SGMS1: variants seen among roughly 807,000 people sequenced by gnomAD.
The protein encoded by SGMS1 is phosphatidylcholine:ceramide cholinephosphotransferase 1.
Under a neutral mutation model 46.2 loss-of-function variants are expected in SGMS1, and 13 were observed. That is an observed-to-expected ratio of 0.28 (90% CI 0.18 to 0.45). The LOEUF is 0.45. Among genes scored for constraint, SGMS1 ranks in the 20% least tolerant of loss-of-function variants. SGMS1 has a pLI of 1.00. For synonymous variants in SGMS1, 203 were observed against 187.8 expected (o/e 1.08, Z -0.66); for missense variants, 324 against 519.9 (o/e 0.62, Z 3.66).
chr10:50,466,440 G>A (rs991660457), intron 4 of SGMS1, among the ~76,000 whole-genome samples: 1 of 152,126 alleles, frequency 6.6e-6, no homozygotes, highest in African/African-American at 2.4e-5. Flanking sequence ...AACAGCAACT[G>A]TCCTAACATT....
intron 3 of SGMS1, among the ~76,000 whole-genome samples, chr10:50,494,027 G>A (rs1323497113): frequency 1.3e-5 from 2 of 152,180 alleles, no homozygotes; most frequent in African/African-American, 4.8e-5. Context: ...TCAAACTCCT[G>A]GCCTCGTGAT....
intron 2 of SGMS1, among the ~76,000 whole-genome samples, chr10:50,588,820 C>T (rs1420162210): frequency 6.7e-6 from 1 of 149,930 alleles, no homozygotes; most frequent in Non-Finnish European, 1.5e-5. Flanking sequence ...ACCTCTGCCT[C>T]CCAGGCTCAA....
intron 1 of SGMS1, among the ~76,000 whole-genome samples, chr10:50,611,788 C>A (rs955498307): frequency 1.3e-5 from 2 of 152,206 alleles, no homozygotes; most frequent in Non-Finnish European, 2.9e-5. Flanking sequence ...CTGCCCCCTG[C>A]CTTTCCTCCA....
At chr10:50,377,746 T>C (rs1848539569) in intron 6 of SGMS1, among the ~76,000 whole-genome samples, 1 of 152,148 alleles carries the variant, frequency 6.6e-6, no homozygotes, top group Non-Finnish European at 1.5e-5. Flanking sequence ...ATCAAAGTAT[T>C]AGCAGGGACA....
chr10:50,352,184 T>C (rs1397922878), intron 6 of SGMS1, among the ~76,000 whole-genome samples: 1 of 152,194 alleles, frequency 6.6e-6, no homozygotes, highest in East Asian at 1.9e-4. Flanking sequence ...AAGTGAACTG[T>C]TGGACAGCTA....
chr10:50,624,302 G>C (rs576462350), upstream of SGMS1, among the ~76,000 whole-genome samples: 1 of 152,104 alleles, frequency 6.6e-6, no homozygotes, highest in Non-Finnish European at 1.5e-5. Context: ...ACAAAGCAGG[G>C]AACGCAAACT....
intron 2 of SGMS1, among the ~76,000 whole-genome samples, chr10:50,577,558 C>T (rs573645437): frequency 1.3e-5 from 2 of 152,252 alleles, no homozygotes; most frequent in Admixed American, 1.3e-4. Flanking sequence ...TGTCCTTCCT[C>T]TTAATTTTAA....
chr10:50,539,930 A>T (rs1838037509), intron 2 of SGMS1, among the ~76,000 whole-genome samples: 1 of 152,208 alleles, frequency 6.6e-6, no homozygotes, highest in South Asian at 2.1e-4. Context: ...GTGTATATAA[A>T]ATTTACATTT....
At chr10:50,318,759 T>C (rs558844827) in intron 8 of SGMS1, among the ~76,000 whole-genome samples, 1 of 152,330 alleles carries the variant, frequency 6.6e-6, no homozygotes, top group African/African-American at 2.4e-5. Context: ...ACTTTTAAAA[T>C]AGACTTTTCC....
Position 50,531,237 on chromosome 10 carries a change from G to T in SGMS1, c.-588-11316C>A, listed in dbSNP as rs572783167. ...GAAAATCTTGCTATCACCCATGTGT[G>T]CTCATGGGTTTCATATTTTAAATGG... On this transcript the variant is annotated intron_variant, in intron 2 of 10. Transcript: ENST00000361781. Among the ~76,000 whole-genome samples, 13 of 152,280 alleles carry T rather than the reference G, an allele frequency of 8.5e-5. No individual in the cohort carries two copies. The South Asian group carries it at 2.7e-3, about 32-fold the overall frequency.
chr10:50,526,400 C>A (rs1038752996), intron 2 of SGMS1, among the ~76,000 whole-genome samples: 2 of 152,114 alleles, frequency 1.3e-5, no homozygotes, highest in Non-Finnish European at 2.9e-5. Flanking sequence ...CCAGGTCCCT[C>A]CCCTGACACA....
intron 2 of SGMS1, among the ~76,000 whole-genome samples, chr10:50,581,643 A>G (rs935719755): frequency 2.0e-5 from 3 of 152,154 alleles, no homozygotes; most frequent in African/African-American, 7.2e-5. Flanking sequence ...ACATCTAAGA[A>G]CCTATTATAA....
upstream of SGMS1, chr10:50,625,002 G>A (rs1838909035): frequency 9.8e-7 from 1 of 1,019,402 alleles, no homozygotes; most frequent in East Asian, 1.1e-4. Context: ...CCTGGGAGCT[G>A]GCGGGACCGT....
At chr10:50,381,430 A>T (rs1004951754) in intron 6 of SGMS1, among the ~76,000 whole-genome samples, 1 of 152,144 alleles carries the variant, frequency 6.6e-6, no homozygotes, top group Non-Finnish European at 1.5e-5. Context: ...TTAGCTAAAA[A>T]AGCAGTTGGA....
chr10:50,433,892 C>T (rs181410056), intron 5 of SGMS1, among the ~76,000 whole-genome samples: 1 of 152,312 alleles, frequency 6.6e-6, no homozygotes, highest in Admixed American at 6.5e-5. Flanking sequence ...TCTCTCCTCC[C>T]TAACCCCTTC....
In SGMS1 at chr10:50,317,869, T is replaced by C. The variant is rs1045720209; in HGVS notation, c.742-6454A>G. Among the ~76,000 whole-genome samples the C allele has an allele frequency of 3.4e-5, 5 of 148,122 alleles. No homozygotes were observed. The Admixed American group carries it at 3.4e-4, about 10-fold the overall frequency. On this transcript the variant is annotated intron_variant, in intron 8 of 10. Coordinates refer to ENST00000361781, the MANE Select transcript of SGMS1 (RefSeq NM_147156.4). ...CCCCGGCTGGAGTGCAATGGCACAA[T>C]CTCGGCTCACTGCAACCTCCACCTC...
At chr10:50,450,985 T>C (rs1837101869) in intron 5 of SGMS1, among the ~76,000 whole-genome samples, 1 of 134,726 alleles carries the variant, frequency 7.4e-6, no homozygotes, top group Non-Finnish European at 1.6e-5. Flanking sequence ...TAACAAATAG[T>C]GGATGCTTTG....
chr10:50,536,878 T>A (rs1262873693), intron 2 of SGMS1, among the ~76,000 whole-genome samples: 1 of 152,256 alleles, frequency 6.6e-6, no homozygotes, highest in East Asian at 1.9e-4. Context: ...TTCAATCCCC[T>A]TTTGGACATC....
At chr10:50,315,945 G>A (rs1306501913) in intron 8 of SGMS1, among the ~76,000 whole-genome samples, 1 of 152,218 alleles carries the variant, frequency 6.6e-6, no homozygotes. Context: ...AAAAAGAGCA[G>A]AAGGAAGAGG....
Sources: allele counts gnomAD v4.1 joint callset (sites outside exome capture counted in the v4.1 genomes callset), GRCh38; gene constraint gnomAD v4.1.1; transcripts MANE v1.5; gene names NCBI Gene and HGNC (gene_info 2026-07-23, HGNC 2026-07-21).